SCCPDH: variants seen among roughly 807,000 people sequenced by gnomAD.
SCCPDH encodes the protein saccharopine dehydrogenase-like oxidoreductase.
SCCPDH carries 34 observed loss-of-function variants against 51.5 expected under a neutral mutation model. That is an observed-to-expected ratio of 0.66 (90% CI 0.50 to 0.88). The LOEUF (loss-of-function observed/expected upper bound fraction) is 0.88. Among genes scored for constraint, SCCPDH ranks in the 40% least tolerant of loss-of-function variants. SCCPDH has a pLI of 0.00. For synonymous variants in SCCPDH, 187 were observed against 191.3 expected (o/e 0.98, Z 0.19); for missense variants, 464 against 527.1 (o/e 0.88, Z 1.17).
chr1:246,728,737 A>G (rs980077981), intron 2 of SCCPDH, among the ~76,000 whole-genome samples: 1 of 151,672 alleles, frequency 6.6e-6, no homozygotes, highest in African/African-American at 2.4e-5. Flanking sequence ...TTCTTTCTTC[A>G]TCTTCCTACC....
In SCCPDH at chr1:246,750,448, A is replaced by T. The variant is rs147521873; in HGVS notation, c.564+6323A>T. 5.9e-3 allele frequency among the ~76,000 whole-genome samples: 906 copies of T among 152,302 alleles called. 11 individuals carry two copies. The highest frequency in any genetic ancestry group is 0.02 in the African/African-American group (843 of 41,574). On this transcript the variant is annotated intron_variant, in intron 5 of 11. Coordinates refer to ENST00000366510, the MANE Select transcript of SCCPDH (RefSeq NM_016002.3). ...GGGCAGTTCAGATTCTAGGCAGGGC[A>T]ATGGGATGGCAGCTAGTCCATGGCA... is the stretch of plus-strand genomic sequence containing the variant.
intron 6 of SCCPDH, 131 bp from the exon 7 acceptor site, chr1:246,758,903 C>T: frequency 1.4e-6 from 1 of 717,094 alleles, no homozygotes; most frequent in Non-Finnish European, 2.6e-6. Flanking sequence ...ATCCTCCTGC[C>T]TCGGCCTCCC....
At chr1:246,746,351 G>A (rs955887602) in intron 5 of SCCPDH, among the ~76,000 whole-genome samples, 2 of 152,090 alleles carry the variant, frequency 1.3e-5, no homozygotes, top group Non-Finnish European at 2.9e-5. Flanking sequence ...TTTTCACAGT[G>A]CTTTTCCATA....
rs1268265427 is a variant in SCCPDH, at chr1:246,767,250, C to CT, written c.1241dup (p.Asn415GlnfsTer6). 6.2e-7 allele frequency: 1 copy of CT among 1,611,442 alleles called. No homozygotes were observed. The highest frequency in any genetic ancestry group is 8.5e-7 in the Non-Finnish European group (1 of 1,178,506). The stretch of plus-strand genomic sequence containing the variant: ...TTCCAAAACAAAGTTGATTGACAGA[C>CT]TCAACAAACACGGTATTGAGTTTAG... On this transcript the variant is annotated frameshift_variant, in exon 12 of 12. Transcript: ENST00000366510. LOFTEE classifies it high-confidence loss of function.
chr1:246,752,335 T>C (rs1232608421), intron 5 of SCCPDH, among the ~76,000 whole-genome samples: 2 of 152,204 alleles, frequency 1.3e-5, no homozygotes, highest in Non-Finnish European at 2.9e-5. Context: ...TTTAACTCCA[T>C]GTGTCCTAGG....
In SCCPDH at chr1:246,759,964, A is replaced by G. The variant is rs779802221; in HGVS notation, c.821A>G (p.Tyr274Cys). ...YENLEESPVQ[Y>C]AAYVTVGGIT... ...GTCTTCTCCATCATCTAGGTTCAGT[A>G]TGCTGCGTATGTAACTGTGGGAGGC... Residue 274 changes from tyrosine to cysteine, a missense_variant, in exon 8 of 12, where the codon TAT becomes TGT. Physicochemically the swap from Tyr to Cys is radical, Grantham distance 194. Coordinates refer to ENST00000366510, the MANE Select transcript of SCCPDH (RefSeq NM_016002.3). The G allele has an allele frequency of 6.2e-7, 1 of 1,611,240 alleles. No individual in the cohort carries two copies. The highest frequency in any genetic ancestry group is 1.7e-5 in the Admixed American group (1 of 59,506).
chr1:246,733,143 G>A lies in SCCPDH; in HGVS notation c.304-2832G>A, dbSNP rs151104456. 5.9e-3 allele frequency among the ~76,000 whole-genome samples: 903 copies of A among 152,288 alleles called. 11 individuals are homozygous for A. Among genetic ancestry groups the A allele is most frequent in the African/African-American group, 0.02 (841 of 41,566 alleles). On this transcript the variant is annotated intron_variant, in intron 2 of 11. Coordinates refer to ENST00000366510, the MANE Select transcript of SCCPDH (RefSeq NM_016002.3). ...ACTTTGTTGCCCAGGCTGGAGTAGA[G>A]TGGCACGAACACAGCTCACTGCTGC...
chr1:246,753,019 CTCTG>C (rs1254434351), intron 5 of SCCPDH, among the ~76,000 whole-genome samples: 6 of 151,692 alleles, frequency 4.0e-5, no homozygotes, highest in African/African-American at 7.3e-5. Flanking sequence ...CTCTTTGCCT[CTCTG>C]TCTCTTTCTC....
chr1:246,751,301 A>C (rs1468492097), intron 5 of SCCPDH, among the ~76,000 whole-genome samples: 1 of 152,170 alleles, frequency 6.6e-6, no homozygotes, highest in Non-Finnish European at 1.5e-5. Flanking sequence ...ACCCTTTATA[A>C]TTTTTGTTAA....
chr1:246,764,657 A>C (rs1669063435), intron 10 of SCCPDH, among the ~76,000 whole-genome samples: 1 of 152,236 alleles, frequency 6.6e-6, no homozygotes, highest in Non-Finnish European at 1.5e-5. Flanking sequence ...TGAATCTCAT[A>C]TGCAAGTAGT....
intron 1 of SCCPDH, among the ~76,000 whole-genome samples, chr1:246,725,136 T>C (rs1330152719): frequency 6.6e-6 from 1 of 152,184 alleles, no homozygotes; most frequent in East Asian, 1.9e-4. Flanking sequence ...TTGTTTTGTG[T>C]GTAAGAATAC....
Position 246,760,228 on chromosome 1 carries a change from G to A in SCCPDH, c.990+1G>A, listed in dbSNP as rs1379247035. 3.7e-6 allele frequency: 6 copies of A among 1,607,534 alleles called. No homozygotes were observed. The highest frequency in any genetic ancestry group is 5.1e-6 in the Non-Finnish European group (6 of 1,177,224). On this transcript the variant is annotated splice_donor_variant, in intron 9 of 11. Coordinates refer to ENST00000366510, the MANE Select transcript of SCCPDH (RefSeq NM_016002.3). LOFTEE classifies it high-confidence loss of function. ...AAAACAAGGCCCAACACAAAAACAG[G>A]TAATTTCTTTTGTATTAAGACACTA...
At chr1:246,742,535 A>G (rs920881846) in intron 4 of SCCPDH, among the ~76,000 whole-genome samples, 3 of 152,198 alleles carry the variant, frequency 2.0e-5, no homozygotes, top group South Asian at 2.1e-4. Context: ...CCCAGGCCAC[A>G]TTCTTTTAGT....
chr1:246,759,792 A>T (rs1237318965), intron 7 of SCCPDH, among the ~76,000 whole-genome samples, 165 bp from the exon 8 acceptor site: 1 of 152,248 alleles, frequency 6.6e-6, no homozygotes, highest in African/African-American at 2.4e-5. Flanking sequence ...ATAGGCTCCC[A>T]ATGTCTGGTT....
chr1:246,767,297 C>T lies in SCCPDH; in HGVS notation c.1287C>T (p.Val429=), dbSNP rs773526668. 2 of 1,564,624 alleles carry T rather than the reference C, an allele frequency of 1.3e-6. No homozygotes were observed. The highest frequency in any genetic ancestry group is 1.7e-6 in the Non-Finnish European group (2 of 1,148,228). The change falls in exon 12 of 12, where the codon GTC becomes GTT. Residue 429 remains valine (V), a synonymous_variant. Transcript: ENST00000366510. ...TTAGTGTTATTAGCAGCTCTGAAGT[C>T]TAAACACTGGAAGAATTAACTGAAG... ...IEFSVISSSE[V]
chr1:246,724,664 C>T (rs1185132545), intron 1 of SCCPDH, 52 bp downstream of exon 1: 1 of 1,392,764 alleles, frequency 7.2e-7, no homozygotes, highest in African/African-American at 1.5e-5. Context: ...CCGGGGACCC[C>T]GCATCGCCCC....
rs145336228 is a variant in SCCPDH, at chr1:246,733,942, G to T, written c.304-2033G>T. The stretch of plus-strand genomic sequence containing the variant: ...TCAGTGAGCAACTCTAGACATAGAG[G>T]TTGGAGGTCACAGCACAGATTTTAT... On this transcript the variant is annotated intron_variant, in intron 2 of 11. Transcript: ENST00000366510. 1.5e-3 allele frequency among the ~76,000 whole-genome samples: 226 copies of T among 152,312 alleles called. 3 individuals are homozygous for T. Among genetic ancestry groups the T allele is most frequent in the Admixed American group, 0.012 (188 of 15,292 alleles).
intron 2 of SCCPDH, among the ~76,000 whole-genome samples, chr1:246,733,067 C>A (rs1668515207): frequency 6.6e-6 from 1 of 152,152 alleles, no homozygotes; most frequent in Non-Finnish European, 1.5e-5. Context: ...GCAGGCTGAA[C>A]TAGAGGCTAT....
chr1:246,749,746 A>T (rs1205457230), intron 5 of SCCPDH, among the ~76,000 whole-genome samples: 1 of 152,234 alleles, frequency 6.6e-6, no homozygotes, highest in Non-Finnish European at 1.5e-5. Context: ...TTCCCAGTTC[A>T]TACTGGACTC....
Sources: allele counts gnomAD v4.1 joint callset (sites outside exome capture counted in the v4.1 genomes callset), GRCh38; gene constraint gnomAD v4.1.1; transcripts MANE v1.5; gene names NCBI Gene and HGNC (gene_info 2026-07-23, HGNC 2026-07-21).